The following GALNT17 variants were observed in gnomAD, a reference collection of about 807,000 sequenced individuals.
GALNT17 encodes the protein UDP-GalNAc:polypeptide N-acetylgalactosaminyltransferase-like 3.
A neutral mutation model predicts 63.7 loss-of-function variants in GALNT17; 29 were observed. That is an observed-to-expected ratio of 0.46 (90% CI 0.34 to 0.62). GALNT17 has a LOEUF of 0.62. GALNT17 is among the 20% of genes least tolerant of loss of function. The pLI is 0.01. For synonymous variants in GALNT17, 305 were observed against 318.3 expected, an observed-to-expected ratio of 0.96 and a Z score of 0.45; for missense variants, 603 against 799.6, an observed-to-expected ratio of 0.75 and a Z score of 2.97.
At chr7:71,445,340 G>A (rs1380872474) in intron 5 of GALNT17, among the ~76,000 whole-genome samples, 6 of 151,462 alleles carry the variant, frequency 4.0e-5, no homozygotes, top group African/African-American at 1.2e-4. Context: ...CACCACGCCC[G>A]GCTAATTTTT....
At chr7:71,685,955 T>G (rs1791350804) in intron 9 of GALNT17, among the ~76,000 whole-genome samples, 1 of 129,060 alleles carries the variant, frequency 7.7e-6, no homozygotes, top group African/African-American at 3.0e-5. Flanking sequence ...ACTATTTTTT[T>G]TTTTTTTTTT....
At chr7:71,502,103 A>C (rs2116703138) in intron 5 of GALNT17, among the ~76,000 whole-genome samples, 1 of 152,320 alleles carries the variant, frequency 6.6e-6, no homozygotes, top group East Asian at 1.9e-4. Context: ...CAACATACGC[A>C]GGCTCTTGCA....
intron 2 of GALNT17, among the ~76,000 whole-genome samples, chr7:71,363,070 G>A (rs1390504883): frequency 6.6e-6 from 1 of 151,920 alleles, no homozygotes; most frequent in Non-Finnish European, 1.5e-5. Context: ...GGGTTCAAGT[G>A]ATTCTCCTGC....
intron 6 of GALNT17, among the ~76,000 whole-genome samples, chr7:71,580,265 G>C (rs1789612578): frequency 6.6e-6 from 1 of 151,410 alleles, no homozygotes; most frequent in Admixed American, 6.6e-5. Context: ...ATGATAGTTT[G>C]ATAGATTAGA....
At chr7:71,640,237 A>T (rs1451668890) in intron 6 of GALNT17, among the ~76,000 whole-genome samples, 3 of 152,232 alleles carry the variant, frequency 2.0e-5, no homozygotes, top group African/African-American at 7.2e-5. Flanking sequence ...ATGAAAATCA[A>T]GCACCTCTTT....
At chr7:71,617,134 ATTAT>A (rs1366589747) in intron 6 of GALNT17, among the ~76,000 whole-genome samples, 1 of 149,138 alleles carries the variant, frequency 6.7e-6, no homozygotes, top group Non-Finnish European at 1.5e-5. Context: ...TTTATACAAT[ATTAT>A]TTATTTACTT....
intron 2 of GALNT17, among the ~76,000 whole-genome samples, chr7:71,368,144 G>T (rs2141887): frequency 0.049 from 7,403 of 152,290 alleles, 624 homozygotes; most frequent in African/African-American, 0.17. Context: ...CACGCATCTT[G>T]GTTGGACCTG....
chr7:71,160,798 G>A (rs1041043023), intron 1 of GALNT17, among the ~76,000 whole-genome samples: 1 of 152,120 alleles, frequency 6.6e-6, no homozygotes, highest in African/African-American at 2.4e-5. Context: ...AGTCCTATGT[G>A]GAACTTTTAG....
intron 1 of GALNT17, among the ~76,000 whole-genome samples, chr7:71,247,575 G>A (rs1306836865): frequency 6.6e-6 from 1 of 152,150 alleles, no homozygotes; most frequent in Non-Finnish European, 1.5e-5. Context: ...TCCTGCCTCA[G>A]CCTCCCGAGC....
Position 71,689,166 on chromosome 7 carries a change from T to A in GALNT17, c.1500+11860T>A, listed in dbSNP as rs1353378521. 2.6e-5 allele frequency among the ~76,000 whole-genome samples: 4 copies of A among 152,124 alleles called. No individual in the cohort carries two copies. In the South Asian group the frequency reaches 8.3e-4, roughly 32 times the overall value. On this transcript the variant is annotated intron_variant, in intron 9 of 10. Coordinates refer to ENST00000333538, the MANE Select transcript of GALNT17 (RefSeq NM_022479.3). ...GCTCCACTGTTGGGCCATTCTCCTA[T>A]CTCTCTCCCAATTCTCGGGCCTTTC...
At chr7:71,621,557 G>GGATA (rs1446146830) in intron 6 of GALNT17, among the ~76,000 whole-genome samples, 42 of 135,198 alleles carry the variant, frequency 3.1e-4, no homozygotes, top group African/African-American at 1.1e-3. Context: ...ATGGATAGAT[G>GGATA]GATGGATGGA....
At chr7:71,281,479 C>A (rs184270974) in intron 1 of GALNT17, among the ~76,000 whole-genome samples, 4 of 152,230 alleles carry the variant, frequency 2.6e-5, no homozygotes, top group African/African-American at 9.6e-5. Flanking sequence ...AATTTCAAAA[C>A]GGCTGCTGCA....
intron 1 of GALNT17, among the ~76,000 whole-genome samples, chr7:71,231,230 G>C (rs1011129473): frequency 1.5e-3 from 210 of 140,478 alleles, no homozygotes; most frequent in African/African-American, 5.0e-3. Context: ...TATTTTTGCT[G>C]TTTTTTTTTT....
intron 1 of GALNT17, among the ~76,000 whole-genome samples, chr7:71,207,336 A>G (rs1026681795): frequency 2.6e-5 from 4 of 151,964 alleles, no homozygotes; most frequent in African/African-American, 9.7e-5. Flanking sequence ...CTTTGGTTTT[A>G]TTTTATTTTG....
At chr7:71,265,410 C>T (rs1209591985) in intron 1 of GALNT17, among the ~76,000 whole-genome samples, 1 of 151,800 alleles carries the variant, frequency 6.6e-6, no homozygotes, top group Non-Finnish European at 1.5e-5. Flanking sequence ...CAGACGTGAG[C>T]CACTGTGCCC....
intron 5 of GALNT17, among the ~76,000 whole-genome samples, chr7:71,461,764 C>G (rs1236517742): frequency 2.0e-5 from 3 of 152,192 alleles, no homozygotes; most frequent in African/African-American, 7.2e-5. Context: ...CTGCTGACCC[C>G]CTCCTCCTCT....
rs71089953 is a variant in GALNT17 at position 71,539,707 on chromosome 7, C to CTTTTTTTT, written c.963-31560_963-31553dup. The stretch of plus-strand genomic sequence containing the variant: ...ATCTATTTCAGGAGTTTAGTCCCAC[C>CTTTTTTTT]TTTTTTTTTTTTTTTTTTTTTTTTT... On this transcript the variant is annotated intron_variant, in intron 5 of 10. Transcript: ENST00000333538. 3.4e-3 allele frequency among the ~76,000 whole-genome samples: 241 copies of CTTTTTTTT among 71,450 alleles called. 30 individuals are homozygous for CTTTTTTTT. The highest frequency in any genetic ancestry group is 0.012 in the African/African-American group (211 of 17,392). 46.9% of individuals were successfully genotyped at this position (71,450 alleles called of 152,430 possible). A position where few individuals can be genotyped will look rare whatever the true frequency, so the allele number is the denominator to read the frequency against.
intron 8 of GALNT17, among the ~76,000 whole-genome samples, chr7:71,674,372 G>T (rs1791116278): frequency 1.3e-5 from 2 of 151,370 alleles, no homozygotes; most frequent in African/African-American, 4.9e-5. Flanking sequence ...AAGAGATAGG[G>T]TCTTGCTCTG....
intron 2 of GALNT17, among the ~76,000 whole-genome samples, chr7:71,359,542 G>A (rs574235903): frequency 6.6e-6 from 1 of 152,162 alleles, no homozygotes; most frequent in Non-Finnish European, 1.5e-5. Context: ...ATTTCAATAT[G>A]GCGTGTCAAA....
Sources: allele counts gnomAD v4.1 joint callset (sites outside exome capture counted in the v4.1 genomes callset), GRCh38; gene constraint gnomAD v4.1.1; transcripts MANE v1.5; gene names NCBI Gene and HGNC (gene_info 2026-07-23, HGNC 2026-07-21).